EIF2AK4: variants seen among roughly 807,000 people sequenced by gnomAD.
EIF2AK4 encodes the protein eukaryotic translation initiation factor 2 alpha kinase 4, also known as eIF-2-alpha kinase GCN2.
A neutral mutation model predicts 211.1 loss-of-function variants in EIF2AK4; 139 were observed. That is an observed-to-expected ratio of 0.66 (90% CI 0.57 to 0.76). The LOEUF is 0.76. EIF2AK4 is among the 30% of genes least tolerant of loss of function. The pLI is 0.00. For missense variants in EIF2AK4, 1,664 were observed against 2,043.8 expected (o/e 0.81, Z 3.58); for synonymous variants, 710 against 751.3 (o/e 0.94, Z 0.90).
chr15:40,032,465 G>C (rs1035646363), intron 36 of EIF2AK4, among the ~76,000 whole-genome samples: 1 of 152,238 alleles, frequency 6.6e-6, no homozygotes, highest in Non-Finnish European at 1.5e-5. Context: ...GAAAACAAAA[G>C]TCATTTTCCT....
chr15:39,975,687 GTGT>G (rs2034684346), intron 11 of EIF2AK4, among the ~76,000 whole-genome samples: 1 of 152,162 alleles, frequency 6.6e-6, no homozygotes, highest in African/African-American at 2.4e-5. Flanking sequence ...TTATTTTACT[GTGT>G]TGTTAATTGT....
chr15:40,000,973 T>A lies in EIF2AK4; in HGVS notation c.2923-15T>A, dbSNP rs1229704904. ...CATTGCATCCCATTAGCAGTGTGCCTGGGTTTTATTGTAGAAATCAGTCAT... is the reference window on the plus strand; with the variant it reads ...CATTGCATCCCATTAGCAGTGTGCCAGGGTTTTATTGTAGAAATCAGTCAT... On this transcript the variant is annotated splice_polypyrimidine_tract_variant and intron_variant, in intron 20 of 38. Transcript: ENST00000263791. The A allele has an allele frequency of 1.2e-6, 2 of 1,613,630 alleles. No individual in the cohort carries two copies. Among genetic ancestry groups the A allele is most frequent in the African/African-American group, 1.3e-5 (1 of 74,912 alleles).
At chr15:39,989,750 A>G (rs934703598) in intron 15 of EIF2AK4, among the ~76,000 whole-genome samples, 6 of 152,244 alleles carry the variant, frequency 3.9e-5, no homozygotes, top group Non-Finnish European at 5.9e-5. Flanking sequence ...ATGAGAAAGC[A>G]GTCTCATGTA....
intron 4 of EIF2AK4, 135 bp from the exon 5 acceptor site, chr15:39,953,769 A>G: frequency 1.2e-6 from 1 of 809,314 alleles, no homozygotes; most frequent in Non-Finnish European, 2.0e-6. Flanking sequence ...TTGTACTAAG[A>G]TGCTGTGTTT....
intron 13 of EIF2AK4, chr15:39,978,369 G>A: frequency 3.6e-6 from 1 of 276,672 alleles, no homozygotes; most frequent in Non-Finnish European, 6.7e-6. Flanking sequence ...TAGAAGAGAG[G>A]AGTCAGTTGA....
chr15:40,007,765 T>C (rs1420741584), intron 24 of EIF2AK4, among the ~76,000 whole-genome samples: 2 of 152,156 alleles, frequency 1.3e-5, no homozygotes, highest in Non-Finnish European at 2.9e-5. Context: ...ATCACTAAGG[T>C]AAAATTTTTT....
At chr15:39,995,180 T>C (rs746896297) in intron 18 of EIF2AK4, among the ~76,000 whole-genome samples, 6 of 152,140 alleles carry the variant, frequency 3.9e-5, no homozygotes, top group Non-Finnish European at 7.3e-5. Context: ...AGTGGGGGCA[T>C]CTTAGACATC....
intron 3 of EIF2AK4, among the ~76,000 whole-genome samples, chr15:39,945,774 CTT>C (rs779019841): frequency 1.3e-4 from 20 of 152,166 alleles, no homozygotes; most frequent in Non-Finnish European, 2.8e-4. Flanking sequence ...CAGCTGCTGA[CTT>C]TTCAAAAGTT....
intron 32 of EIF2AK4, among the ~76,000 whole-genome samples, chr15:40,023,152 G>C (rs1259444717): frequency 1.3e-5 from 2 of 152,108 alleles, no homozygotes; most frequent in Non-Finnish European, 2.9e-5. Context: ...TTCTCCTCTT[G>C]TTCTCTTTTT....
At position 40,008,191 on chromosome 15, in the gene EIF2AK4, T is replaced by C; in HGVS notation, c.3572T>C (p.Leu1191Pro). The C allele has an allele frequency of 1.9e-6, 3 of 1,591,188 alleles. No individual in the cohort carries two copies. The highest frequency in any genetic ancestry group is 2.6e-6 in the Non-Finnish European group (3 of 1,171,318). Residue 1191 changes from leucine to proline, a missense_variant, in exon 25 of 39, where the codon CTT (leucine) becomes CCT (proline). Leu to Pro is a moderately conservative substitution (Grantham distance 98). Transcript: ENST00000263791. ...IYEIIQEFPA[L>P]QERNYSIYLN... ...GAAATCATCCAAGAGTTTCCAGCAC[T>C]TCAGGTTCCTTTCCATATTTTAACA...
In EIF2AK4 at chr15:39,986,208, T is replaced by G. The variant is rs189003005; in HGVS notation, c.2403+320T>G. Among the ~76,000 whole-genome samples, 356 of 152,314 alleles carry G rather than the reference T, an allele frequency of 2.3e-3. 5 individuals carry two copies. Among genetic ancestry groups the G allele is most frequent in the Admixed American group, 0.016 (252 of 15,308 alleles). On this transcript the variant is annotated intron_variant, in intron 14 of 38. Coordinates refer to ENST00000263791, the MANE Select transcript of EIF2AK4 (RefSeq NM_001013703.4). Reference sequence around the variant, plus strand: ...GTGCCTCAGTTTCCCCATCTATAAATTACATAATAGTAGTTCTTATAGACT... The same window carrying G: ...GTGCCTCAGTTTCCCCATCTATAAAGTACATAATAGTAGTTCTTATAGACT...
chr15:40,027,104 T>A (rs1480788112), intron 33 of EIF2AK4, among the ~76,000 whole-genome samples: 1 of 152,212 alleles, frequency 6.6e-6, no homozygotes, highest in African/African-American at 2.4e-5. Flanking sequence ...CATGCTAACG[T>A]AACATATTTC....
At chr15:40,019,046 A>C in intron 29 of EIF2AK4, 47 bp from the exon 30 acceptor site, 1 of 1,383,296 alleles carries the variant, frequency 7.2e-7, no homozygotes, top group Non-Finnish European at 1.0e-6. Flanking sequence ...CCGTAATCAC[A>C]GTTTCTTTCC....
intron 15 of EIF2AK4, among the ~76,000 whole-genome samples, 189 bp downstream of exon 15, chr15:39,988,294 T>C (rs1189828725): frequency 6.6e-6 from 1 of 152,262 alleles, no homozygotes; most frequent in African/African-American, 2.4e-5. Context: ...AGTATCAGAG[T>C]ATAACATTAA....
At chr15:39,987,010 C>T (rs1468680471) in intron 14 of EIF2AK4, among the ~76,000 whole-genome samples, 1 of 152,178 alleles carries the variant, frequency 6.6e-6, no homozygotes. Flanking sequence ...AAGGAACCCT[C>T]GACAAGTTAC....
intron 13 of EIF2AK4, among the ~76,000 whole-genome samples, chr15:39,985,084 G>A (rs1391315667): frequency 6.6e-6 from 1 of 152,072 alleles, no homozygotes; most frequent in African/African-American, 2.4e-5. Flanking sequence ...TTTATCAAAG[G>A]CCTTTTCTGC....
At chr15:40,022,741 C>T (rs1713107482) in intron 32 of EIF2AK4, 136 bp downstream of exon 32, 21 of 529,960 alleles carry the variant, frequency 4.0e-5, no homozygotes, top group South Asian at 1.4e-4. Flanking sequence ...TGTTGGGTTT[C>T]TTTTTTTTTT....
At chr15:40,020,839 T>C in intron 30 of EIF2AK4, 60 bp from the exon 31 acceptor site, 1 of 1,474,990 alleles carries the variant, frequency 6.8e-7, no homozygotes, top group Non-Finnish European at 9.1e-7. Flanking sequence ...CTGATGCTGG[T>C]TTCACTTCCA....
intron 9 of EIF2AK4, among the ~76,000 whole-genome samples, chr15:39,968,648 G>A (rs1471464570): frequency 6.6e-6 from 1 of 152,076 alleles, no homozygotes; most frequent in African/African-American, 2.4e-5. Context: ...TTCCCTTTCT[G>A]ACACTCTTTG....
Sources: allele counts gnomAD v4.1 joint callset (sites outside exome capture counted in the v4.1 genomes callset), GRCh38; gene constraint gnomAD v4.1.1; transcripts MANE v1.5; gene names NCBI Gene and HGNC (gene_info 2026-07-23, HGNC 2026-07-21).